NT5E: variants seen among roughly 807,000 people sequenced by gnomAD.
NT5E encodes the protein 5'-nucleotidase ecto, also known as 5'-nucleotidase.
A neutral mutation model predicts 55.1 loss-of-function variants in NT5E; 53 were observed. The ratio of observed to expected loss-of-function variants is 0.96; its 90% confidence interval spans 0.77 to 1.21. The LOEUF is 1.21. NT5E is among the 50% of genes most tolerant of loss of function. The pLI is 0.00. For synonymous variants in NT5E, 270 were observed against 278.4 expected (o/e 0.97, Z 0.30); for missense variants, 683 against 724.3 (o/e 0.94, Z 0.65).
intron 7 of NT5E, chr6:85,491,337 C>T (rs188702059): frequency 1.2e-5 from 4 of 338,286 alleles, no homozygotes; most frequent in Non-Finnish European, 2.3e-5. Flanking sequence ...CATAATCTGG[C>T]CTCATTTTTT....
Position 85,450,292 on chromosome 6 carries a change from C to A in NT5E, c.153C>A (p.Cys51Ter). 4 of 1,606,556 alleles carry A rather than the reference C, an allele frequency of 2.5e-6. No individual in the cohort carries two copies. Among genetic ancestry groups the A allele is most frequent in the Non-Finnish European group, 3.4e-6 (4 of 1,177,612 alleles). The part of the protein sequence containing the change: ...LEQTSEDSSK[C>*]VNASRCMGGV... ...AGACCAGCGAGGACTCCAGCAAGTG[C>A]GTCAACGCCAGCCGCTGCATGGGTG... Residue 51 changes from cysteine to a stop codon, truncating the protein, a stop_gained, in exon 1 of 9, where the codon TGC becomes TGA. Coordinates refer to ENST00000257770, the MANE Select transcript of NT5E (RefSeq NM_002526.4). LOFTEE classifies it high-confidence loss of function. This position sits in a 1 kb window ranked among gnomAD's most constrained non-coding sequence, Gnocchi z 4.0.
rs1768840423 is a variant in NT5E at position 85,450,860 on chromosome 6, C to G, written c.339+382C>G. Among the ~76,000 whole-genome samples, 1 of 152,124 alleles carries G rather than the reference C, an allele frequency of 6.6e-6. No homozygotes were observed. Among genetic ancestry groups the G allele is most frequent in the African/African-American group, 2.4e-5 (1 of 41,434 alleles). Reference sequence around the variant, plus strand: ...ATGCTTTATCTCAATCTAGATCTTTCGAAAAATGCTTTATCTCAATCTTAT... The same window carrying G: ...ATGCTTTATCTCAATCTAGATCTTTGGAAAAATGCTTTATCTCAATCTTAT... On this transcript the variant is annotated intron_variant, in intron 1 of 8. Transcript: ENST00000257770. The surrounding 1 kb of genome is among the most constrained non-coding windows in gnomAD (Gnocchi z 4.0).
At chr6:85,461,270 G>T (rs1769094012) in intron 1 of NT5E, among the ~76,000 whole-genome samples, 1 of 152,170 alleles carries the variant, frequency 6.6e-6, no homozygotes, top group South Asian at 2.1e-4. Flanking sequence ...CTTGAATTCT[G>T]TCCAAGTCTC....
intron 3 of NT5E, among the ~76,000 whole-genome samples, chr6:85,474,251 A>C (rs1251825937): frequency 6.6e-6 from 1 of 152,220 alleles, no homozygotes; most frequent in Non-Finnish European, 1.5e-5. Context: ...TAGTTGTTAT[A>C]CTGTATTGTT....
chr6:85,463,277 A>G (rs2127755598), intron 1 of NT5E, among the ~76,000 whole-genome samples: 1 of 152,324 alleles, frequency 6.6e-6, no homozygotes, highest in South Asian at 2.1e-4. Flanking sequence ...AACATATACA[A>G]GATGTCATAG....
chr6:85,486,181 A>G, intron 4 of NT5E, among the ~76,000 whole-genome samples: 1 of 152,190 alleles, frequency 6.6e-6, no homozygotes, highest in African/African-American at 2.4e-5. Context: ...GTAGAAGTAC[A>G]GTACATTTGT....
At chr6:85,490,711 G>A (rs2127725589) in intron 7 of NT5E, 54 bp downstream of exon 7, 1 of 1,604,514 alleles carries the variant, frequency 6.2e-7, no homozygotes, top group East Asian at 2.2e-5. Context: ...GGCATTTCCT[G>A]CTGGTTGGCT....
intron 1 of NT5E, among the ~76,000 whole-genome samples, chr6:85,464,267 C>T (rs1769147518): frequency 6.6e-6 from 1 of 152,088 alleles, no homozygotes; most frequent in Non-Finnish European, 1.5e-5. Context: ...AAAATGAGTG[C>T]AGTAAGAGTA....
chr6:85,464,483 C>T (rs994541213), intron 1 of NT5E, among the ~76,000 whole-genome samples: 1 of 152,228 alleles, frequency 6.6e-6, no homozygotes, highest in South Asian at 2.1e-4. Context: ...TGGGAGGGAG[C>T]TACCCCTGCC....
intron 1 of NT5E, among the ~76,000 whole-genome samples, chr6:85,464,148 A>T (rs1769145593): frequency 6.7e-6 from 1 of 150,104 alleles, no homozygotes; most frequent in Non-Finnish European, 1.5e-5. Context: ...ACAGAGGTTA[A>T]GAACTTTGGA....
intron 3 of NT5E, among the ~76,000 whole-genome samples, chr6:85,472,449 C>T (rs1387401764): frequency 2.6e-5 from 4 of 152,096 alleles, no homozygotes; most frequent in South Asian, 2.1e-4. Flanking sequence ...CTTTTGCAAT[C>T]GGAAAGCAAA....
At chr6:85,483,674 G>C (rs1347144976) in intron 3 of NT5E, among the ~76,000 whole-genome samples, 1 of 152,170 alleles carries the variant, frequency 6.6e-6, no homozygotes. Flanking sequence ...CTTCTGCCCT[G>C]TGGTTATTGA....
At chr6:85,452,489 A>G (rs149593893) in intron 1 of NT5E, among the ~76,000 whole-genome samples, 1 of 152,286 alleles carries the variant, frequency 6.6e-6, no homozygotes, top group African/African-American at 2.4e-5. Flanking sequence ...TTTTTGTTGG[A>G]TGAAATTACT....
At chr6:85,484,530 G>C (rs1018124662) in intron 3 of NT5E, among the ~76,000 whole-genome samples, 1 of 152,122 alleles carries the variant, frequency 6.6e-6, no homozygotes, top group African/African-American at 2.4e-5. Context: ...GGGCTGGCTG[G>C]GGTCAGGAGT....
At chr6:85,480,533 C>G (rs1332455626) in intron 3 of NT5E, among the ~76,000 whole-genome samples, 1 of 152,138 alleles carries the variant, frequency 6.6e-6, no homozygotes, top group Non-Finnish European at 1.5e-5. Flanking sequence ...CCTGAAGGTG[C>G]TCCTAGACTA....
chr6:85,466,273 T>C (rs1241767931), intron 1 of NT5E, among the ~76,000 whole-genome samples: 1 of 151,978 alleles, frequency 6.6e-6, no homozygotes, highest in Non-Finnish European at 1.5e-5. Context: ...GGGAGAGAGA[T>C]AAGAAGGTGG....
At chr6:85,485,511 T>C (rs1437487003) in intron 4 of NT5E, 79 bp downstream of exon 4, 14 of 1,392,386 alleles carry the variant, frequency 1.0e-5, no homozygotes, top group Non-Finnish European at 1.4e-5. Flanking sequence ...ATTTTTTTCC[T>C]TTAATGTTTC....
At chr6:85,475,811 A>T (rs981378143) in intron 3 of NT5E, among the ~76,000 whole-genome samples, 4 of 152,206 alleles carry the variant, frequency 2.6e-5, no homozygotes, top group Non-Finnish European at 5.9e-5. Context: ...TATAGCCGCA[A>T]GTTAAAGGGA....
At chr6:85,472,579 A>G (rs961779202) in intron 3 of NT5E, among the ~76,000 whole-genome samples, 3 of 152,216 alleles carry the variant, frequency 2.0e-5, no homozygotes, top group African/African-American at 7.2e-5. Context: ...TAGCTTCAAA[A>G]TAGGGGATGA....
Sources: allele counts gnomAD v4.1 joint callset (sites outside exome capture counted in the v4.1 genomes callset), GRCh38; gene constraint gnomAD v4.1.1; non-coding constraint Gnocchi (gnomAD v3.1); transcripts MANE v1.5; gene names NCBI Gene and HGNC (gene_info 2026-07-23, HGNC 2026-07-21).